RPAP2: variants seen among roughly 807,000 people sequenced by gnomAD.
The protein encoded by RPAP2 is putative RNA polymerase II subunit B1 CTD phosphatase RPAP2.
Under a neutral mutation model 73.1 loss-of-function variants are expected in RPAP2, and 52 were observed. That is an observed-to-expected ratio of 0.71 (90% CI 0.57 to 0.90). RPAP2 has a LOEUF of 0.90. RPAP2 is among the 40% of genes least tolerant of loss of function. The probability of loss-of-function intolerance (pLI) is 0.00; values close to 1 mark genes in which losing one functional copy is unlikely to be tolerated. For synonymous variants in RPAP2, 225 were observed against 242.1 expected (o/e 0.93, Z 0.65); for missense variants, 598 against 701.8 (o/e 0.85, Z 1.67).
chr1:92,366,009 C>T (rs1304378223), intron 11 of RPAP2, among the ~76,000 whole-genome samples: 1 of 152,202 alleles, frequency 6.6e-6, no homozygotes, highest in Non-Finnish European at 1.5e-5. Context: ...ACTTGGAAAT[C>T]ACGATAGCTT....
At chr1:92,327,447 A>T (rs185839846) in intron 8 of RPAP2, among the ~76,000 whole-genome samples, 3 of 152,170 alleles carry the variant, frequency 2.0e-5, no homozygotes, top group Admixed American at 1.3e-4. Context: ...TGTTGCTTTA[A>T]AGTTTGTTTT....
intron 12 of RPAP2, among the ~76,000 whole-genome samples, chr1:92,382,034 C>T (rs1409907823): frequency 6.6e-6 from 1 of 150,826 alleles, no homozygotes; most frequent in Non-Finnish European, 1.5e-5. Flanking sequence ...GTTTTTTGTC[C>T]TTGTGATAGT....
Position 92,322,719 on chromosome 1 carries a change from A to G in RPAP2, c.525-726A>G, listed in dbSNP as rs963433136. On this transcript the variant is annotated intron_variant, in intron 7 of 12. Coordinates refer to ENST00000610020, the MANE Select transcript of RPAP2 (RefSeq NM_024813.3). ...GCAAAACTCCATCTCTACTAAAAAA[A>G]TACAAAAATTAGCCAGGCGTGGTGG... Among the ~76,000 whole-genome samples, 67 of 151,594 alleles carry G rather than the reference A, an allele frequency of 4.4e-4. 1 individual carries two copies. The highest frequency in any genetic ancestry group is 1.5e-3 in the African/African-American group (64 of 41,386).
At position 92,389,867 on chromosome 1, in the gene RPAP2, C is replaced by A. The variant is rs921965714; in HGVS notation, c.*2856C>A. On this transcript the variant is annotated 3_prime_UTR_variant, in exon 13 of 13. Transcript: ENST00000610020. ...AGAAAAAAGAGTGAAAAGAAATGAA[C>A]AAAGCCTCCAAGAAATATGAGACTA... 1 of 152,138 alleles carries A rather than the reference C, an allele frequency of 6.6e-6. No individual in the cohort carries two copies. The highest frequency in any genetic ancestry group is 2.1e-4 in the South Asian group (1 of 4,818). The allele number at this position is 152,138 out of a possible 1,614,324, so 9.4% of individuals were successfully genotyped here.
chr1:92,363,763 A>G, intron 11 of RPAP2: 1 of 328,840 alleles, frequency 3.0e-6, no homozygotes, highest in South Asian at 2.8e-5. Context: ...ACTTCCACTT[A>G]ATGAATAGTA....
chr1:92,309,365 C>G (rs1334649360), intron 6 of RPAP2, among the ~76,000 whole-genome samples: 1 of 150,450 alleles, frequency 6.6e-6, no homozygotes, highest in Non-Finnish European at 1.5e-5. Context: ...TTGCTTGAAC[C>G]TGGGAGGCGG....
At chr1:92,342,497 G>A (rs1174153795) in intron 10 of RPAP2, among the ~76,000 whole-genome samples, 1 of 152,166 alleles carries the variant, frequency 6.6e-6, no homozygotes, top group Non-Finnish European at 1.5e-5. Flanking sequence ...GAGTGAGATG[G>A]AGGGTAATTG....
intron 6 of RPAP2, among the ~76,000 whole-genome samples, chr1:92,315,867 C>T (rs1651877440): frequency 6.6e-6 from 1 of 152,096 alleles, no homozygotes; most frequent in South Asian, 2.1e-4. Context: ...CTGTTAGAGA[C>T]AAAACATTGA....
intron 11 of RPAP2, among the ~76,000 whole-genome samples, chr1:92,347,501 A>T (rs766143576): frequency 1.3e-4 from 20 of 152,222 alleles, no homozygotes; most frequent in Non-Finnish European, 2.5e-4. Flanking sequence ...TTTCTAAGCC[A>T]CTTACTGAAA....
At chr1:92,324,707 T>C (rs1652523197) in intron 8 of RPAP2, among the ~76,000 whole-genome samples, 1 of 152,226 alleles carries the variant, frequency 6.6e-6, no homozygotes, top group African/African-American at 2.4e-5. Flanking sequence ...TCTTCGGTAT[T>C]CTTTCAGATT....
At chr1:92,374,521 T>C (rs1474826704) in intron 11 of RPAP2, among the ~76,000 whole-genome samples, 1 of 152,150 alleles carries the variant, frequency 6.6e-6, no homozygotes, top group Non-Finnish European at 1.5e-5. Context: ...CTACATCAGA[T>C]AGGTCCTAAA....
At chr1:92,382,575 G>C (rs1655690936) in intron 12 of RPAP2, among the ~76,000 whole-genome samples, 1 of 152,192 alleles carries the variant, frequency 6.6e-6, no homozygotes, top group African/African-American at 2.4e-5. Context: ...CTTCTTTTGA[G>C]AAGTGTCTGT....
chr1:92,343,195 G>C (rs372941227), intron 10 of RPAP2, among the ~76,000 whole-genome samples: 18 of 152,272 alleles, frequency 1.2e-4, no homozygotes, highest in African/African-American at 4.1e-4. Flanking sequence ...GTGAAAACCT[G>C]GTAAAGAAAA....
chr1:92,312,701 C>T (rs896263691), intron 6 of RPAP2, among the ~76,000 whole-genome samples: 3 of 152,224 alleles, frequency 2.0e-5, no homozygotes, highest in Non-Finnish European at 4.4e-5. Flanking sequence ...GTGACTACCT[C>T]TACGGAAGTC....
In RPAP2 at chr1:92,397,060, C is replaced by T. The variant is rs1415194561; in HGVS notation, c.*10049C>T. On this transcript the variant is annotated 3_prime_UTR_variant, in exon 13 of 13. Coordinates refer to ENST00000610020, the MANE Select transcript of RPAP2 (RefSeq NM_024813.3). ...TAAAAGTCAAAGATTATAACAGGGC[C>T]TCTCTCTCTCTGACCTAGTGACCTA... 6.6e-6 allele frequency: 1 copy of T among 151,548 alleles called. No homozygotes were observed. The highest frequency in any genetic ancestry group is 1.5e-5 in the Non-Finnish European group (1 of 67,844). 9.4% of individuals were successfully genotyped at this position (151,548 alleles called of 1,614,324 possible). A position where few individuals can be genotyped will look rare whatever the true frequency, so the allele number is the denominator to read the frequency against.
At chr1:92,384,483 G>T (rs560008513) in intron 12 of RPAP2, among the ~76,000 whole-genome samples, 4 of 151,752 alleles carry the variant, frequency 2.6e-5, no homozygotes, top group African/African-American at 9.6e-5. Flanking sequence ...AATTAGCTGG[G>T]CGTGGTGGCA....
chr1:92,400,175 G>A lies in RPAP2; in HGVS notation c.*13164G>A, dbSNP rs1656280167. ...AACAGGACTCAATCAAAACCCACTT[G>A]GGATTAGGGAAGCCACCCTCTGTGA... is the stretch of plus-strand genomic sequence containing the variant. On this transcript the variant is annotated 3_prime_UTR_variant, in exon 13 of 13. Transcript: ENST00000610020. 6.6e-6 allele frequency: 1 copy of A among 152,172 alleles called. No individual in the cohort carries two copies. The allele number at this position is 152,172 out of a possible 1,614,324, so 9.4% of individuals were successfully genotyped here.
At chr1:92,304,243 T>C (rs1416236518) in intron 4 of RPAP2, 41 bp from the exon 5 acceptor site, 15 of 1,317,624 alleles carry the variant, frequency 1.1e-5, no homozygotes, top group Non-Finnish European at 1.5e-5. Context: ...TTCATGTTTA[T>C]TATTTGGATT....
In RPAP2 at chr1:92,362,990, T is replaced by C. The variant is rs191465172; in HGVS notation, c.1688+17076T>C. Among the ~76,000 whole-genome samples the C allele has an allele frequency of 1.8e-3, 273 of 152,310 alleles. 3 individuals are homozygous for C. Among genetic ancestry groups the C allele is most frequent in the African/African-American group, 6.0e-3 (250 of 41,568 alleles). On this transcript the variant is annotated intron_variant, in intron 11 of 12. Transcript: ENST00000610020. ...AAATTAAGTGCCACTAGCTAATTCT[T>C]TGCAGCCAAGGTTATACATTGAGAT...
Sources: allele counts gnomAD v4.1 joint callset (sites outside exome capture counted in the v4.1 genomes callset), GRCh38; gene constraint gnomAD v4.1.1; transcripts MANE v1.5; gene names NCBI Gene and HGNC (gene_info 2026-07-23, HGNC 2026-07-21).